Variants in GLIS3 observed in about 807,000 individuals in gnomAD.
GLIS3 encodes zinc finger protein GLIS3.
In GLIS3, 53 loss-of-function variants were observed where a neutral mutation model predicts 78.6. That is an observed-to-expected ratio of 0.67 (90% CI 0.54 to 0.85). The LOEUF (loss-of-function observed/expected upper bound fraction) is 0.85, where lower values mean the gene tolerates loss of function less well. Among genes scored for constraint, GLIS3 ranks in the 40% least tolerant of loss-of-function variants. The pLI, the probability that GLIS3 is intolerant of heterozygous loss-of-function variation, is 0.00. For synonymous variants in GLIS3, 684 were observed against 509.9 expected, an observed-to-expected ratio of 1.34 and a Z score of -4.60; for missense variants, 1,703 against 1,231.1, an observed-to-expected ratio of 1.38 and a Z score of -5.74.
Position 4,125,356 on chromosome 9 carries a change from T to C in GLIS3, c.596+378A>G, listed in dbSNP as rs75999311. On this transcript the variant is annotated intron_variant, in intron 3 of 10. Transcript: ENST00000381971. ...GCCTGGAAACTCTGCATCATATTCA[T>C]AGAAAACCTGGCAGGTAAGATAGGT... Among the ~76,000 whole-genome samples, 218 of 152,250 alleles carry C rather than the reference T, an allele frequency of 1.4e-3. 2 individuals are homozygous for C. The highest frequency in any genetic ancestry group is 5.1e-3 in the African/African-American group (211 of 41,534).
chr9:4,153,052 T>C (rs866598739), intron 2 of GLIS3, among the ~76,000 whole-genome samples: 11 of 152,176 alleles, frequency 7.2e-5, no homozygotes, highest in Non-Finnish European at 1.6e-4. Flanking sequence ...GCAGCATCTC[T>C]AGCCTCTTAC....
intron 2 of GLIS3, among the ~76,000 whole-genome samples, chr9:4,330,052 AT>A (rs1817662628): frequency 6.6e-6 from 1 of 152,224 alleles, no homozygotes; most frequent in Non-Finnish European, 1.5e-5. Flanking sequence ...CTTAATGAAA[AT>A]TAACACTTTC....
intron 6 of GLIS3, among the ~76,000 whole-genome samples, chr9:3,912,357 T>C (rs1322517297): frequency 9.2e-5 from 14 of 152,160 alleles, no homozygotes; most frequent in Admixed American, 9.2e-4. Context: ...CCTGGAATTA[T>C]TCTATCTCAG....
chr9:4,130,868 C>T (rs953614657), intron 2 of GLIS3, among the ~76,000 whole-genome samples: 2 of 152,200 alleles, frequency 1.3e-5, no homozygotes, highest in African/African-American at 2.4e-5. Flanking sequence ...TGTCAGCTTG[C>T]ACCCTGCACC....
intron 2 of GLIS3, among the ~76,000 whole-genome samples, chr9:4,321,909 G>A (rs1267257426): frequency 6.6e-6 from 1 of 151,962 alleles, no homozygotes; most frequent in East Asian, 1.9e-4. Context: ...TTTAATTTCT[G>A]GGGTACACGT....
intron 2 of GLIS3, among the ~76,000 whole-genome samples, chr9:4,279,077 G>A (rs891790192): frequency 6.6e-6 from 1 of 151,928 alleles, no homozygotes; most frequent in African/African-American, 2.4e-5. Context: ...TGAGGCAGGT[G>A]GATCATGAGG....
chr9:4,370,027 A>G, the GLIS3 span, among the ~76,000 whole-genome samples: 1 of 152,044 alleles, frequency 6.6e-6, no homozygotes, highest in Non-Finnish European at 1.5e-5. Flanking sequence ...CTCCGTCTGT[A>G]CTAAAAATAC....
At chr9:4,182,336 G>C (rs142188895) in intron 2 of GLIS3, among the ~76,000 whole-genome samples, 1 of 152,070 alleles carries the variant, frequency 6.6e-6, no homozygotes, top group South Asian at 2.1e-4. Context: ...CAGTGGTGTC[G>C]TCCGTACTCC....
intron 4 of GLIS3, among the ~76,000 whole-genome samples, chr9:4,037,230 G>A (rs1381180769): frequency 6.6e-6 from 1 of 152,072 alleles, no homozygotes; most frequent in Non-Finnish European, 1.5e-5. Context: ...CTTGAGAGAG[G>A]CATCGTAGCA....
chr9:4,252,014 C>G (rs571340057), intron 2 of GLIS3, among the ~76,000 whole-genome samples: 1 of 152,292 alleles, frequency 6.6e-6, no homozygotes, highest in Non-Finnish European at 1.5e-5. Context: ...GTAACCGGAC[C>G]TTTCTCTCTG....
the GLIS3 span, among the ~76,000 whole-genome samples, chr9:4,371,628 G>A: frequency 6.6e-6 from 1 of 152,050 alleles, no homozygotes; most frequent in African/African-American, 2.4e-5. Context: ...CTAGGTATAG[G>A]ACTACCACTA....
At chr9:3,982,034 C>T (rs1819333313) in intron 4 of GLIS3, among the ~76,000 whole-genome samples, 1 of 152,150 alleles carries the variant, frequency 6.6e-6, no homozygotes, top group Admixed American at 6.5e-5. Flanking sequence ...GCTGGATTGG[C>T]CTGTCTAATT....
chr9:4,035,363 G>A (rs1321848040), intron 4 of GLIS3, among the ~76,000 whole-genome samples: 1 of 151,666 alleles, frequency 6.6e-6, no homozygotes, highest in Non-Finnish European at 1.5e-5. Flanking sequence ...AAAAACAGAA[G>A]GCTCCAGAAG....
chr9:4,358,255 G>A, the GLIS3 span, among the ~76,000 whole-genome samples: 135,894 of 152,134 alleles, frequency 0.89, 61,589 homozygotes, highest in East Asian at 0.96. Context: ...AAGGAATTCT[G>A]CTTTTTTTTG....
chr9:4,117,213 G>A (rs924930238), intron 4 of GLIS3, among the ~76,000 whole-genome samples: 1 of 152,118 alleles, frequency 6.6e-6, no homozygotes, highest in African/African-American at 2.4e-5. Context: ...ATTTTATGCC[G>A]ACTATAAATC....
intron 1 of GLIS3, among the ~76,000 whole-genome samples, chr9:4,290,045 C>T (rs1035146307): frequency 4.6e-5 from 7 of 152,188 alleles, no homozygotes; most frequent in African/African-American, 9.6e-5. Context: ...ATTAAACAAA[C>T]GAAAAGCAAT....
chr9:3,953,560 T>C (rs911851485), intron 4 of GLIS3, among the ~76,000 whole-genome samples: 6 of 152,190 alleles, frequency 3.9e-5, no homozygotes, highest in Non-Finnish European at 8.8e-5. Flanking sequence ...ATATAGATGT[T>C]TTCTGCAGGC....
intron 9 of GLIS3, among the ~76,000 whole-genome samples, chr9:3,836,124 C>A (rs1221013994): frequency 6.6e-6 from 1 of 152,202 alleles, no homozygotes; most frequent in Admixed American, 6.5e-5. Context: ...CAGGTATAGT[C>A]AGGAGGCCAC....
At chr9:4,352,629 C>CT (rs916050807), upstream of GLIS3, among the ~76,000 whole-genome samples, 43 of 152,228 alleles carry the variant, frequency 2.8e-4, no homozygotes, top group Non-Finnish European at 4.1e-4. Flanking sequence ...CCATCACCAG[C>CT]TTTTGTGGGC....
Sources: gnomAD v4.1 joint callset for allele counts (sites outside exome capture counted in the v4.1 genomes callset) on GRCh38, gnomAD v4.1.1 for gene constraint, MANE v1.5 for transcripts, NCBI Gene and HGNC (gene_info 2026-07-23, HGNC 2026-07-21) for gene names.